HEATR5B: variants seen among roughly 807,000 people sequenced by gnomAD.
HEATR5B encodes HEAT repeat-containing protein 5B.
HEATR5B carries 156 observed loss-of-function variants against 224.1 expected under a neutral mutation model. The ratio of observed to expected loss-of-function variants is 0.70; its 90% CI spans 0.61 to 0.80. The LOEUF is 0.80. Ranked by LOEUF, HEATR5B falls within the 30% of genes least tolerant of loss-of-function variation. The pLI, the probability that HEATR5B is intolerant of heterozygous loss-of-function variation, is 0.00. For missense variants in HEATR5B, 2,323 were observed against 2,535.5 expected (o/e 0.92, Z 1.80); for synonymous variants, 1,027 against 893.0 (o/e 1.15, Z -2.68).
intron 27 of HEATR5B, among the ~76,000 whole-genome samples, chr2:37,013,504 G>C (rs1381475269): frequency 6.6e-6 from 1 of 152,116 alleles, no homozygotes; most frequent in Non-Finnish European, 1.5e-5. Flanking sequence ...GGGCAACAAA[G>C]CAAGACCCTA....
chr2:36,989,258 G>C (rs887191510), intron 34 of HEATR5B, among the ~76,000 whole-genome samples: 4 of 152,116 alleles, frequency 2.6e-5, no homozygotes, highest in South Asian at 2.1e-4. Flanking sequence ...GCTAATTTTT[G>C]TATTTTTAGT....
chr2:37,062,464 G>C (rs939741445), intron 10 of HEATR5B, among the ~76,000 whole-genome samples: 1 of 152,098 alleles, frequency 6.6e-6, no homozygotes, highest in Non-Finnish European at 1.5e-5. Flanking sequence ...CGTGTTATTA[G>C]CATGTTTTTG....
At chr2:37,044,547 A>C (rs545375276) in intron 18 of HEATR5B, among the ~76,000 whole-genome samples, 7 of 152,346 alleles carry the variant, frequency 4.6e-5, no homozygotes, top group African/African-American at 1.7e-4. Flanking sequence ...TTTGGCTCTC[A>C]TAAATAAAGC....
intron 16 of HEATR5B, 31 bp from the exon 17 acceptor site, chr2:37,053,638 G>A: frequency 7.2e-7 from 1 of 1,396,696 alleles, no homozygotes; most frequent in Non-Finnish European, 1.0e-6. Context: ...AATCACATTA[G>A]TGACAAATTT....
At position 36,988,719 on chromosome 2, in the gene HEATR5B, G is replaced by A; in HGVS notation, c.5838C>T (p.Asn1946=). The A allele has an allele frequency of 6.2e-7, 1 of 1,614,070 alleles. No individual in the cohort carries two copies. The highest frequency in any genetic ancestry group is 1.3e-5 in the African/African-American group (1 of 75,018). Residue 1946 remains asparagine, a synonymous_variant, in exon 35 of 36, where the codon AAC becomes AAT. Coordinates refer to ENST00000233099, the MANE Select transcript of HEATR5B (RefSeq NM_019024.3). ...KAVERNRPAS[N]IELLAVQEGI... ...CTTCTTGAACCGCTAAAAGCTCTAT[G>A]TTACTGGCTGGTCTGTTTCTTTCAA...
chr2:37,073,436 G>A (rs1191381933), intron 5 of HEATR5B, among the ~76,000 whole-genome samples: 1 of 152,146 alleles, frequency 6.6e-6, no homozygotes. Context: ...TAGAGATGGG[G>A]TTTCGCTATG....
At chr2:37,012,718 G>A (rs777390120) in intron 27 of HEATR5B, among the ~76,000 whole-genome samples, 2 of 152,122 alleles carry the variant, frequency 1.3e-5, no homozygotes, top group African/African-American at 4.8e-5. Flanking sequence ...GATGTACAGA[G>A]GAAGGTGCTG....
Position 37,046,476 on chromosome 2 carries a change from TAAA to T in HEATR5B, c.2696+3174_2696+3176del, listed in dbSNP as rs764268625. 2.0e-5 allele frequency among the ~76,000 whole-genome samples: 3 copies of T among 151,608 alleles called. No individual in the cohort carries two copies. In the East Asian group the frequency reaches 5.9e-4, roughly 30 times the overall value. ...CAACATGGCGAAACTCCATCTCTAC[TAAA>T]AATATAAAAATTAGCCGGGCGTGGT... is the stretch of plus-strand genomic sequence containing the variant. On this transcript the variant is annotated intron_variant, in intron 18 of 35. Transcript: ENST00000233099.
intron 19 of HEATR5B, 199 bp downstream of exon 19, chr2:37,040,934 T>C (rs1372688779): frequency 7.5e-6 from 4 of 530,046 alleles, no homozygotes; most frequent in Middle Eastern, 4.9e-4. Context: ...AAGGAATGTA[T>C]GTGAATGGGT....
At chr2:37,050,991 A>G (rs1042910892) in intron 17 of HEATR5B, among the ~76,000 whole-genome samples, 1 of 152,204 alleles carries the variant, frequency 6.6e-6, no homozygotes, top group Non-Finnish European at 1.5e-5. Flanking sequence ...GACTGCAGTG[A>G]GCCAACATCA....
chr2:37,020,730 G>T lies in HEATR5B; in HGVS notation c.3960C>A (p.Asp1320Glu). The T allele has an allele frequency of 1.2e-6, 2 of 1,609,652 alleles. No individual in the cohort carries two copies. The highest frequency in any genetic ancestry group is 8.5e-7 in the Non-Finnish European group (1 of 1,179,098). The change falls in exon 25 of 36, where the codon GAC becomes GAA. Residue 1320 changes from aspartate (D) to glutamate (E), a missense_variant. Asp to Glu is a conservative substitution (Grantham distance 45). Around this residue, in one of 12 missense-constraint regions of HEATR5B, gnomAD observed 339 missense variants for 378.4 expected, o/e 0.90. Coordinates refer to ENST00000233099, the MANE Select transcript of HEATR5B (RefSeq NM_019024.3). ...GCACAGACGCAAACTTCTTGATAAT[G>T]TCTTCAAGCGCCTGGAGCCCAGCCA... The part of the protein sequence containing the change: ...LRMAGLQALE[D>E]IIKKFASVPE...
At chr2:37,044,699 G>A (rs1328055787) in intron 18 of HEATR5B, among the ~76,000 whole-genome samples, 1 of 152,162 alleles carries the variant, frequency 6.6e-6, no homozygotes, top group African/African-American at 2.4e-5. Context: ...CTTCCAAAGT[G>A]TCTGTAACAT....
At chr2:36,985,604 T>G (rs1054283568) in intron 35 of HEATR5B, among the ~76,000 whole-genome samples, 1 of 147,660 alleles carries the variant, frequency 6.8e-6, no homozygotes, top group African/African-American at 2.5e-5. Flanking sequence ...ACTACAGGCA[T>G]GTGCCACCAC....
chr2:36,998,406 G>C (rs1666867402), intron 33 of HEATR5B, among the ~76,000 whole-genome samples: 1 of 152,184 alleles, frequency 6.6e-6, no homozygotes, highest in African/African-American at 2.4e-5. Flanking sequence ...TCAAATACTG[G>C]TGAGAATGTG....
In HEATR5B at chr2:37,058,908, A is replaced by G; in HGVS notation, c.1929T>C (p.Cys643=). The G allele has an allele frequency of 6.2e-7, 1 of 1,605,836 alleles. No homozygotes were observed. Among genetic ancestry groups the G allele is most frequent in the Non-Finnish European group, 8.5e-7 (1 of 1,174,206 alleles). ...VIRKLMTPIE[C]AMTMMSHIPS... ...CTTACTGTGACATCATAGTCATGGC[A>G]CATTCAATAGGGGTCATCAATTTTC... is the stretch of plus-strand genomic sequence containing the variant. Residue 643 remains cysteine, a synonymous_variant, in exon 13 of 36, where the codon TGT becomes TGC. Transcript: ENST00000233099.
chr2:37,059,446 G>GTT (rs1354982525), intron 12 of HEATR5B, among the ~76,000 whole-genome samples: 1 of 42,306 alleles, frequency 2.4e-5, no homozygotes, highest in Non-Finnish European at 4.6e-5. Flanking sequence ...GTGTGTGTGT[G>GTT]TATATATATA....
At position 36,988,747 on chromosome 2, in the gene HEATR5B, G is replaced by C. The variant is rs879331965; in HGVS notation, c.5810C>G (p.Ala1937Gly). The change falls in exon 35 of 36, where the codon GCT (alanine) becomes GGT (glycine). Residue 1937 changes from alanine (A) to glycine (G), a missense_variant. By Grantham distance (60) the Ala-to-Gly change is moderately conservative (BLOSUM62 0). Coordinates refer to ENST00000233099, the MANE Select transcript of HEATR5B (RefSeq NM_019024.3). ...LAPIVVEKLK[A>G]VERNRPASNI... ...ACTGGCTGGTCTGTTTCTTTCAACA[G>C]CTTTTAGCTTTTCAACCACTATTGG... The C allele has an allele frequency of 1.2e-6, 2 of 1,614,018 alleles. No individual in the cohort carries two copies. The highest frequency in any genetic ancestry group is 1.7e-6 in the Non-Finnish European group (2 of 1,179,982).
chr2:37,044,650 G>A (rs1039335163), intron 18 of HEATR5B, among the ~76,000 whole-genome samples: 1 of 152,174 alleles, frequency 6.6e-6, no homozygotes, highest in Non-Finnish European at 1.5e-5. Flanking sequence ...AGGCAAAAGA[G>A]AAGCATATAT....
intron 26 of HEATR5B, 138 bp downstream of exon 26, chr2:37,019,671 G>T: frequency 1.7e-6 from 1 of 601,586 alleles, no homozygotes; most frequent in East Asian, 2.9e-5. Context: ...TGGCCAGGCT[G>T]ATCTCAAACT....
Sources: allele counts gnomAD v4.1 joint callset (sites outside exome capture counted in the v4.1 genomes callset), GRCh38; gene constraint gnomAD v4.1.1; regional missense constraint gnomAD v4.1.1; transcripts MANE v1.5; gene names NCBI Gene and HGNC (gene_info 2026-07-23, HGNC 2026-07-21).